TRIM44: variants seen among roughly 807,000 people sequenced by gnomAD.
The protein encoded by TRIM44 is tripartite motif-containing protein 44.
In TRIM44, 13 loss-of-function variants were observed where a neutral mutation model predicts 37.4. The ratio of observed to expected loss-of-function variants is 0.35; its 90% confidence interval spans 0.23 to 0.55. The LOEUF (loss-of-function observed/expected upper bound fraction) is 0.55, where lower values mean the gene tolerates loss of function less well. TRIM44 is among the 20% of genes least tolerant of loss of function. TRIM44 has a pLI of 0.89. For synonymous variants in TRIM44, 175 were observed against 157.2 expected (o/e 1.11, Z -0.85); for missense variants, 426 against 437.2 (o/e 0.97, Z 0.23).
Position 35,812,949 on chromosome 11 carries a change from T to A in TRIM44, c.*6564T>A, listed in dbSNP as rs1159735061. ...AATCAACGAGAGGCAAAACCATGTC[T>A]TCTTTTGCTATAGCGTTAGAATCCT... is the stretch of plus-strand genomic sequence containing the variant. On this transcript the variant is annotated 3_prime_UTR_variant, in exon 5 of 5. Transcript: ENST00000299413. 6.6e-6 allele frequency: 1 copy of A among 152,200 alleles called. No homozygotes were observed. The highest frequency in any genetic ancestry group is 2.1e-4 in the South Asian group (1 of 4,830). 9.4% of individuals were successfully genotyped at this position (152,200 alleles called of 1,614,324 possible). A position where few individuals can be genotyped will look rare whatever the true frequency, so the allele number is the denominator to read the frequency against.
chr11:35,664,869 A>G (rs1851314445), intron 1 of TRIM44, among the ~76,000 whole-genome samples: 1 of 152,232 alleles, frequency 6.6e-6, no homozygotes, highest in Non-Finnish European at 1.5e-5. Flanking sequence ...CTTCTGCATA[A>G]GTAAGCATAA....
chr11:35,793,160 T>C (rs541892638), intron 4 of TRIM44, among the ~76,000 whole-genome samples: 127 of 81,734 alleles, frequency 1.6e-3, no homozygotes, highest in African/African-American at 5.6e-3. Flanking sequence ...GCTGCAGTTA[T>C]AAAAACTGAA....
rs116654954 is a variant in TRIM44, at chr11:35,814,038, A to G, written c.*7653A>G. The G allele has an allele frequency of 6.7e-3, 1,014 of 152,324 alleles. 7 individuals are homozygous for G. Among genetic ancestry groups the G allele is most frequent in the African/African-American group, 0.023 (964 of 41,578 alleles). The allele number at this position is 152,324 out of a possible 1,614,324, so 9.4% of individuals were successfully genotyped here. On this transcript the variant is annotated 3_prime_UTR_variant, in exon 5 of 5. Transcript: ENST00000299413. ...TACAGATCAAATTCTGTTACAACAA[A>G]TACTGCTACCATAAAAGTCACTTAA...
chr11:35,683,613 GA>G (rs1219165890), intron 1 of TRIM44, among the ~76,000 whole-genome samples: 2 of 152,044 alleles, frequency 1.3e-5, no homozygotes, highest in African/African-American at 4.8e-5. Context: ...CTACCCCATA[GA>G]AATGACAGTG....
chr11:35,733,826 A>C (rs1852296781), intron 3 of TRIM44, among the ~76,000 whole-genome samples: 1 of 152,024 alleles, frequency 6.6e-6, no homozygotes, highest in African/African-American at 2.4e-5. Flanking sequence ...GCACATCCCC[A>C]TTCTGTAGTT....
intron 4 of TRIM44, among the ~76,000 whole-genome samples, chr11:35,795,356 TAGAAGTAGGAAGACTAGTCA>T (rs1853267959): frequency 6.6e-6 from 1 of 152,012 alleles, no homozygotes; most frequent in Non-Finnish European, 1.5e-5. Flanking sequence ...GCATTAAGAT[TAGAAGTAGGAAGACTAGTCA>T]AGAAGCAACT....
chr11:35,780,051 C>G (rs999941731), intron 4 of TRIM44, among the ~76,000 whole-genome samples: 5 of 152,000 alleles, frequency 3.3e-5, no homozygotes, highest in African/African-American at 1.2e-4. Flanking sequence ...ATGCCTCCAG[C>G]TTTGTTCTTT....
rs57127722 is a variant in TRIM44, at chr11:35,792,072, T to TACACACACACACACAC, written c.1008-14261_1008-14246dup. On this transcript the variant is annotated intron_variant, in intron 4 of 4. Transcript: ENST00000299413. The stretch of plus-strand genomic sequence containing the variant: ...CCATCCCTTCCTGAGGAGTTGCCCC[T>TACACACACACACACAC]ACACACACACACACACACACACACA... Among the ~76,000 whole-genome samples the TACACACACACACACAC allele has an allele frequency of 2.3e-3, 315 of 136,776 alleles. 3 individuals are homozygous for TACACACACACACACAC. The highest frequency in any genetic ancestry group is 8.0e-3 in the African/African-American group (277 of 34,794). 89.7% of individuals were successfully genotyped at this position (136,776 alleles called of 152,430 possible).
chr11:35,713,482 T>G (rs1219379625), intron 2 of TRIM44, among the ~76,000 whole-genome samples: 5 of 150,898 alleles, frequency 3.3e-5, no homozygotes, highest in Non-Finnish European at 5.9e-5. Flanking sequence ...AGGGTAAAAG[T>G]TTACATTGAA....
chr11:35,799,916 C>T (rs966049013), intron 4 of TRIM44, among the ~76,000 whole-genome samples: 3 of 152,096 alleles, frequency 2.0e-5, no homozygotes, highest in East Asian at 3.9e-4. Flanking sequence ...GAGGCTAGAG[C>T]GAAGTCAAAC....
At chr11:35,716,261 T>C (rs1286854336) in intron 2 of TRIM44, among the ~76,000 whole-genome samples, 1 of 152,106 alleles carries the variant, frequency 6.6e-6, no homozygotes, top group East Asian at 1.9e-4. Context: ...AGAAAGCTGA[T>C]CAAGAACAAG....
chr11:35,784,243 A>G (rs1369510544), intron 4 of TRIM44, among the ~76,000 whole-genome samples: 1 of 152,194 alleles, frequency 6.6e-6, no homozygotes, highest in Admixed American at 6.5e-5. Flanking sequence ...GCCTGTCTGT[A>G]GGGGATTCTC....
At chr11:35,722,885 T>C (rs1852126090) in intron 2 of TRIM44, among the ~76,000 whole-genome samples, 1 of 152,198 alleles carries the variant, frequency 6.6e-6, no homozygotes, top group African/African-American at 2.4e-5. Context: ...TTCTGAAATA[T>C]TCAGTGTAGA....
At chr11:35,774,671 C>T (rs1852926951) in intron 4 of TRIM44, among the ~76,000 whole-genome samples, 2 of 152,218 alleles carry the variant, frequency 1.3e-5, no homozygotes, top group South Asian at 4.1e-4. Context: ...GATCCAGCTT[C>T]AGCTTCCTAC....
chr11:35,793,168 G>GAA (rs549796218), intron 4 of TRIM44, among the ~76,000 whole-genome samples: 66 of 63,704 alleles, frequency 1.0e-3, no homozygotes, highest in Non-Finnish European at 1.2e-3. Flanking sequence ...TATAAAAACT[G>GAA]AAAAAAAAAA....
chr11:35,715,467 T>G (rs1286281291), intron 2 of TRIM44, among the ~76,000 whole-genome samples: 1 of 151,834 alleles, frequency 6.6e-6, no homozygotes, highest in African/African-American at 2.4e-5. Flanking sequence ...CATGTATATT[T>G]ATGACTATAT....
rs1285690381 is a variant in TRIM44 at position 35,815,276 on chromosome 11, A to T, written c.*8891A>T. 1.3e-5 allele frequency: 2 copies of T among 152,146 alleles called. No homozygotes were observed. Among genetic ancestry groups the T allele is most frequent in the Non-Finnish European group, 2.9e-5 (2 of 68,016 alleles). 9.4% of individuals were successfully genotyped at this position (152,146 alleles called of 1,614,324 possible). A position where few individuals can be genotyped will look rare whatever the true frequency, so the allele number is the denominator to read the frequency against. On this transcript the variant is annotated 3_prime_UTR_variant, in exon 5 of 5. Coordinates refer to ENST00000299413, the MANE Select transcript of TRIM44 (RefSeq NM_017583.6). ...GAGATTAGAGGTGTTAATTGGAAGTAACTTTTCTATATTTGGTTTCTCTCC... is the reference window on the plus strand; with the variant it reads ...GAGATTAGAGGTGTTAATTGGAAGTTACTTTTCTATATTTGGTTTCTCTCC...
At chr11:35,740,423 T>A (rs1852382004) in intron 4 of TRIM44, among the ~76,000 whole-genome samples, 1 of 152,104 alleles carries the variant, frequency 6.6e-6, no homozygotes, top group South Asian at 2.1e-4. Context: ...AGGATTAGAT[T>A]TTGATTTGCT....
chr11:35,800,147 G>C, intron 4 of TRIM44, among the ~76,000 whole-genome samples: 1 of 152,100 alleles, frequency 6.6e-6, no homozygotes, highest in East Asian at 1.9e-4. Flanking sequence ...TGTTCCTTCA[G>C]ATGTTCAGAT....
Sources: allele counts gnomAD v4.1 joint callset (sites outside exome capture counted in the v4.1 genomes callset), GRCh38; gene constraint gnomAD v4.1.1; transcripts MANE v1.5; gene names NCBI Gene and HGNC (gene_info 2026-07-23, HGNC 2026-07-21).